The following ABR variants were observed in gnomAD, a reference collection of about 807,000 sequenced individuals.
ABR encodes the protein active breakpoint cluster region-related protein.
Under a neutral mutation model 107.2 loss-of-function variants are expected in ABR, and 35 were observed. The observed-to-expected ratio is 0.33, with a 90% CI of 0.25 to 0.43. The LOEUF (loss-of-function observed/expected upper bound fraction) is 0.43. Ranked by LOEUF, ABR falls within the 20% of genes least tolerant of loss-of-function variation. The pLI, the probability that ABR is intolerant of heterozygous loss-of-function variation, is 1.00. For synonymous variants in ABR, 498 were observed against 462.0 expected (o/e 1.08, Z -1.00); for missense variants, 815 against 1,115.2 (o/e 0.73, Z 3.83).
Position 1,010,876 on chromosome 17 carries a change from G to T in ABR, c.2102-13C>A. On this transcript the variant is annotated splice_polypyrimidine_tract_variant and intron_variant, in intron 19 of 22. Coordinates refer to ENST00000302538, the MANE Select transcript of ABR (RefSeq NM_021962.5). This position sits in a 1 kb window ranked among gnomAD's most constrained non-coding sequence, Gnocchi z 4.1. Reference sequence around the variant, plus strand: ...ATGTCCTTGTTATCTGCAGGGGTGGGGCCGAGGTCAGGCAGCCTTAGCTGG... The same window carrying T: ...ATGTCCTTGTTATCTGCAGGGGTGGTGCCGAGGTCAGGCAGCCTTAGCTGG... 6.2e-7 allele frequency: 1 copy of T among 1,613,014 alleles called. No homozygotes were observed. Among genetic ancestry groups the T allele is most frequent in the South Asian group, 1.1e-5 (1 of 91,052 alleles).
intron 2 of ABR, among the ~76,000 whole-genome samples, chr17:1,106,366 C>T (rs2038244707): frequency 6.6e-6 from 1 of 151,948 alleles, no homozygotes; most frequent in African/African-American, 2.4e-5. Flanking sequence ...GAAGGGTGTG[C>T]CAAGAACCTC....
intron 1 of ABR, among the ~76,000 whole-genome samples, chr17:1,221,205 A>C (rs1327668190): frequency 6.6e-6 from 1 of 152,230 alleles, no homozygotes; most frequent in Admixed American, 6.5e-5. Flanking sequence ...CCATACACCC[A>C]GATAAAATAC....
At chr17:1,209,718 ACTTT>A (rs2042866509) in intron 1 of ABR, among the ~76,000 whole-genome samples, 1 of 152,128 alleles carries the variant, frequency 6.6e-6, no homozygotes, top group Admixed American at 6.5e-5. Context: ...TTCTCTCTTA[ACTTT>A]CTAATACTTG....
Position 1,050,612 on chromosome 17 carries a change from C to T in ABR, c.1584G>A (p.Val528=). The change falls in exon 15 of 23, where the codon GTG becomes GTA. Residue 528 remains valine (V), a synonymous_variant. Transcript: ENST00000302538. The surrounding 1 kb of genome is among the most constrained non-coding windows in gnomAD (Gnocchi z 4.6). Reference sequence around the variant, plus strand: ...TGCTGACAAAATAGCCGAAGGAATCCACCTCCAGGGTACAGTACAGGTCTG... The same window carrying T: ...TGCTGACAAAATAGCCGAAGGAATCTACCTCCAGGGTACAGTACAGGTCTG... ...QSANLYCTLE[V]DSFGYFVSKA... The T allele has an allele frequency of 6.2e-7, 1 of 1,613,964 alleles. No homozygotes were observed. Among genetic ancestry groups the T allele is most frequent in the Non-Finnish European group, 8.5e-7 (1 of 1,179,988 alleles).
At chr17:1,220,164 G>A (rs1308524174) in intron 1 of ABR, among the ~76,000 whole-genome samples, 4 of 152,012 alleles carry the variant, frequency 2.6e-5, no homozygotes, top group Non-Finnish European at 4.4e-5. Context: ...GGTGGCGGGC[G>A]CCTGTGGTCC....
chr17:1,133,009 G>A (rs7406604), intron 1 of ABR, among the ~76,000 whole-genome samples: 71,168 of 151,854 alleles, frequency 0.47, 16,908 homozygotes, highest in East Asian at 0.55. Context: ...TTGGGAGGCC[G>A]AAGTGGACGG....
chr17:1,178,705 A>T (rs1382357743), intron 1 of ABR, among the ~76,000 whole-genome samples: 1 of 151,964 alleles, frequency 6.6e-6, no homozygotes, highest in Non-Finnish European at 1.5e-5. Context: ...GGAGGGTCCC[A>T]CTCACGTGGG....
intron 1 of ABR, among the ~76,000 whole-genome samples, chr17:1,196,085 C>T (rs768851096): frequency 2.1e-5 from 3 of 143,978 alleles, no homozygotes; most frequent in Non-Finnish European, 3.0e-5. Context: ...GCCGAGATCA[C>T]GACACTGCAC....
In ABR at chr17:1,037,846, A is replaced by G. The variant is rs775233673; in HGVS notation, c.1791+12204T>C. Among the ~76,000 whole-genome samples, 7 of 152,150 alleles carry G rather than the reference A, an allele frequency of 4.6e-5. No individual in the cohort carries two copies. The highest frequency in any genetic ancestry group is 8.8e-5 in the Non-Finnish European group (6 of 68,012). ...CCGAGCTCATGGTGGCCAGAAGCAA[A>G]GCCCTGGGAGCCAGGGACCTGTGGA... On this transcript the variant is annotated intron_variant, in intron 16 of 22. Transcript: ENST00000302538. The surrounding 1 kb of genome is among the most constrained non-coding windows in gnomAD (Gnocchi z 4.6).
intron 1 of ABR, among the ~76,000 whole-genome samples, chr17:1,173,791 T>C (rs2041832667): frequency 1.3e-5 from 2 of 152,174 alleles, no homozygotes; most frequent in African/African-American, 4.8e-5. Flanking sequence ...GCTGGTCTGA[T>C]ACCCTGTTCC....
chr17:1,189,354 T>TC (rs1316167971), upstream of ABR, among the ~76,000 whole-genome samples: 4 of 150,910 alleles, frequency 2.7e-5, no homozygotes, highest in Admixed American at 2.0e-4. Context: ...GGCTTCCTTT[T>TC]TTTTTTTTTT....
chr17:1,109,003 G>A (rs747466310), intron 2 of ABR: 2 of 1,598,528 alleles, frequency 1.3e-6, no homozygotes, highest in Non-Finnish European at 1.7e-6. Flanking sequence ...ACTCCTCCAG[G>A]AGAAACACAT....
At chr17:1,149,996 G>C (rs763293208) in intron 1 of ABR, among the ~76,000 whole-genome samples, 29 of 152,282 alleles carry the variant, frequency 1.9e-4, no homozygotes, top group Middle Eastern at 3.4e-3. Flanking sequence ...TAAGAACAGG[G>C]CCTGGCACGT....
At chr17:1,180,218 TCCC>T (rs969296231), upstream of ABR, among the ~76,000 whole-genome samples, 3 of 150,364 alleles carry the variant, frequency 2.0e-5, no homozygotes, top group Non-Finnish European at 4.4e-5. Flanking sequence ...GTCCCCCTCG[TCCC>T]CCCCGCGCCG....
chr17:1,118,073 TCC>T (rs2039123041), intron 2 of ABR, among the ~76,000 whole-genome samples: 1 of 44,598 alleles, frequency 2.2e-5, no homozygotes, highest in Non-Finnish European at 4.9e-5. Flanking sequence ...TGAGCCTGAG[TCC>T]TTCCCAGCGT....
chr17:1,227,526 G>T (rs1033329731), intron 1 of ABR, among the ~76,000 whole-genome samples: 1 of 152,232 alleles, frequency 6.6e-6, no homozygotes, highest in African/African-American at 2.4e-5. Flanking sequence ...CAAAACAGAT[G>T]ACTTGATGGA....
rs587630329 is a variant in ABR, at chr17:1,153,805, C to A, written c.61+25862G>T. 45 of 209,994 alleles carry A rather than the reference C, an allele frequency of 2.1e-4. 1 individual carries two copies. Among genetic ancestry groups the A allele is most frequent in the African/African-American group, 2.9e-4 (11 of 37,594 alleles). 13.0% of individuals were successfully genotyped at this position (209,994 alleles called of 1,614,324 possible). A position where few individuals can be genotyped will look rare whatever the true frequency, so the allele number is the denominator to read the frequency against. The stretch of plus-strand genomic sequence containing the variant: ...CGGGAGGGCTGGGGGTCCAGGCACA[C>A]CTACGGGAGGGCTGGGTCCAGGTCT... On this transcript the variant is annotated intron_variant, in intron 1 of 22. Transcript: ENST00000302538.
chr17:1,125,568 TC>T, intron 1 of ABR: 1 of 392,684 alleles, frequency 2.5e-6, no homozygotes, highest in Non-Finnish European at 4.4e-6. Flanking sequence ...CCCTGCCCGC[TC>T]CGGGGCTGCT....
chr17:1,216,093 A>G (rs566117055), intron 1 of ABR, among the ~76,000 whole-genome samples: 7 of 151,790 alleles, frequency 4.6e-5, no homozygotes, highest in South Asian at 2.1e-4. Flanking sequence ...TCACTTGTTT[A>G]TCTGCTGACC....
Sources: gnomAD v4.1 joint callset for allele counts (sites outside exome capture counted in the v4.1 genomes callset) on GRCh38, gnomAD v4.1.1 for gene constraint, Gnocchi (gnomAD v3.1) non-coding constraint, MANE v1.5 for transcripts, NCBI Gene and HGNC (gene_info 2026-07-23, HGNC 2026-07-21) for gene names.